Variants in PTPRO observed in about 807,000 individuals in gnomAD.
PTPRO encodes the protein protein tyrosine phosphatase receptor type O, also known as receptor-type tyrosine-protein phosphatase O.
Under a neutral mutation model 145.2 loss-of-function variants are expected in PTPRO, and 62 were observed. The ratio of observed to expected loss-of-function variants is 0.43; its 90% confidence interval spans 0.35 to 0.53. The LOEUF (loss-of-function observed/expected upper bound fraction) is 0.53. Among genes scored for constraint, PTPRO ranks in the 20% least tolerant of loss-of-function variants. The pLI is 0.01. For missense variants in PTPRO, 1,345 were observed against 1,482.7 expected (o/e 0.91, Z 1.53); for synonymous variants, 565 against 514.7 (o/e 1.10, Z -1.32).
intron 10 of PTPRO, among the ~76,000 whole-genome samples, chr12:15,523,593 A>G (rs1942773045): frequency 6.6e-6 from 1 of 152,110 alleles, no homozygotes; most frequent in Non-Finnish European, 1.5e-5. Flanking sequence ...TAGGCAATAT[A>G]GAAAGACCCT....
At chr12:15,345,638 C>G (rs372186325) in intron 1 of PTPRO, among the ~76,000 whole-genome samples, 1 of 152,062 alleles carries the variant, frequency 6.6e-6, no homozygotes, top group Non-Finnish European at 1.5e-5. Flanking sequence ...AGGAGAAATA[C>G]CTAATGTTGA....
chr12:15,536,694 A>G (rs977594096), intron 12 of PTPRO, among the ~76,000 whole-genome samples: 1 of 152,216 alleles, frequency 6.6e-6, no homozygotes, highest in Non-Finnish European at 1.5e-5. Flanking sequence ...GAAGGAGCCA[A>G]TTAGGTAATA....
At chr12:15,459,137 G>A (rs1694755581) in intron 1 of PTPRO, among the ~76,000 whole-genome samples, 1 of 152,130 alleles carries the variant, frequency 6.6e-6, no homozygotes, top group Admixed American at 6.5e-5. Flanking sequence ...CAGTTCCTCA[G>A]GCAATCCCTG....
At chr12:15,323,765 A>C (rs1866368860) in intron 1 of PTPRO, among the ~76,000 whole-genome samples, 1 of 152,212 alleles carries the variant, frequency 6.6e-6, no homozygotes, top group South Asian at 2.1e-4. Flanking sequence ...TACCTTCCCT[A>C]GAAATGGATG....
At chr12:15,353,822 C>T (rs1193100706) in intron 1 of PTPRO, among the ~76,000 whole-genome samples, 2 of 152,120 alleles carry the variant, frequency 1.3e-5, no homozygotes, top group Non-Finnish European at 2.9e-5. Flanking sequence ...CTCTTGGTAG[C>T]CATTACTTTG....
At chr12:15,458,957 T>C (rs1280698452) in intron 1 of PTPRO, among the ~76,000 whole-genome samples, 2 of 152,132 alleles carry the variant, frequency 1.3e-5, no homozygotes, top group Non-Finnish European at 2.9e-5. Flanking sequence ...CCAGCCTTCA[T>C]GGACTGGCCT....
intron 8 of PTPRO, among the ~76,000 whole-genome samples, chr12:15,515,997 T>TTG (rs1942573833): frequency 7.1e-6 from 1 of 140,188 alleles, no homozygotes; most frequent in Non-Finnish European, 1.6e-5. Flanking sequence ...GTTTTGTTTT[T>TTG]TTTTTTTTTT....
intron 10 of PTPRO, among the ~76,000 whole-genome samples, chr12:15,522,742 G>A (rs1247311265): frequency 1.3e-5 from 2 of 152,064 alleles, no homozygotes; most frequent in South Asian, 2.1e-4. Context: ...GTAATTATGC[G>A]GAGGGGCCAA....
chr12:15,574,425 G>A (rs1038999032), intron 19 of PTPRO, among the ~76,000 whole-genome samples: 3 of 152,162 alleles, frequency 2.0e-5, no homozygotes, highest in Non-Finnish European at 4.4e-5. Flanking sequence ...TGCTATTAAT[G>A]TCTGTGCTTA....
At chr12:15,383,088 T>C (rs1197994619) in intron 1 of PTPRO, among the ~76,000 whole-genome samples, 1 of 152,210 alleles carries the variant, frequency 6.6e-6, no homozygotes, top group Non-Finnish European at 1.5e-5. Flanking sequence ...TGAAGCTTCG[T>C]GTTCTTTGAC....
intron 1 of PTPRO, among the ~76,000 whole-genome samples, chr12:15,391,909 T>C (rs556927340): frequency 1.4e-4 from 22 of 152,286 alleles, no homozygotes; most frequent in African/African-American, 5.3e-4. Context: ...GTATTTTAGC[T>C]ACTCCAGACA....
At chr12:15,420,601 C>T (rs536771089) in intron 1 of PTPRO, among the ~76,000 whole-genome samples, 12 of 151,714 alleles carry the variant, frequency 7.9e-5, no homozygotes, top group South Asian at 2.1e-4. Context: ...AGTGATTAGA[C>T]GAAATACTAT....
chr12:15,582,229 A>G (rs571494152), intron 23 of PTPRO, among the ~76,000 whole-genome samples: 7 of 152,348 alleles, frequency 4.6e-5, no homozygotes, highest in Non-Finnish European at 8.8e-5. Context: ...GACAACCTTC[A>G]GCATGGGCAT....
rs538841572 is a variant in PTPRO, at chr12:15,537,956, T to C, written c.2165-8613T>C. ...GCCGCTTGTGGATGGTTTCTTCTGA[T>C]TGACTTCTTGTAAGATAAACACATG... On this transcript the variant is annotated intron_variant, in intron 12 of 26. Coordinates refer to ENST00000281171, the MANE Select transcript of PTPRO (RefSeq NM_030667.3). 5.5e-4 allele frequency among the ~76,000 whole-genome samples: 84 copies of C among 152,302 alleles called. No homozygotes were observed. The South Asian group carries it at 5.8e-3, about 11-fold the overall frequency.
intron 1 of PTPRO, among the ~76,000 whole-genome samples, chr12:15,354,965 CA>C (rs1404937933): frequency 2.6e-5 from 4 of 152,168 alleles, no homozygotes; most frequent in Non-Finnish European, 4.4e-5. Context: ...CACCATTCTG[CA>C]TTTCCCCCCA....
At chr12:15,341,203 G>T (rs979265002) in intron 1 of PTPRO, among the ~76,000 whole-genome samples, 1 of 152,148 alleles carries the variant, frequency 6.6e-6, no homozygotes, top group African/African-American at 2.4e-5. Flanking sequence ...CAATTAAAGA[G>T]ATTAATTCAT....
intron 18 of PTPRO, among the ~76,000 whole-genome samples, chr12:15,568,178 C>G (rs1943950164): frequency 6.6e-6 from 1 of 151,934 alleles, no homozygotes; most frequent in African/African-American, 2.4e-5. Context: ...ACCTGTAATC[C>G]CAGCACTTTG....
intron 2 of PTPRO, among the ~76,000 whole-genome samples, chr12:15,485,905 A>G (rs980147270): frequency 3.9e-5 from 6 of 152,164 alleles, no homozygotes. Flanking sequence ...TGATTCCTTG[A>G]GGAAGTGTTG....
intron 7 of PTPRO, among the ~76,000 whole-genome samples, chr12:15,513,129 AAGGAAGGAAGG>A: frequency 2.3e-5 from 1 of 43,870 alleles, no homozygotes; most frequent in African/African-American, 8.2e-5. Flanking sequence ...GGAAGGAAGG[AAGGAAGGAAGG>A]AAGAAAGAAA....
Sources: allele counts gnomAD v4.1 joint callset (sites outside exome capture counted in the v4.1 genomes callset), GRCh38; gene constraint gnomAD v4.1.1; transcripts MANE v1.5; gene names NCBI Gene and HGNC (gene_info 2026-07-23, HGNC 2026-07-21).